Variants in SVOP observed in about 807,000 individuals in gnomAD.
SVOP encodes the protein synaptic vesicle 2-related protein.
SVOP carries 17 observed loss-of-function variants against 69.1 expected under a neutral mutation model. The ratio of observed to expected loss-of-function variants is 0.25; its 90% confidence interval spans 0.17 to 0.37. The LOEUF is 0.37. Ranked by LOEUF, SVOP falls within the 10% of genes least tolerant of loss-of-function variation. SVOP has a pLI of 1.00. For missense variants in SVOP, 435 were observed against 597.5 expected (o/e 0.73, Z 2.84); for synonymous variants, 238 against 238.6 (o/e 1.00, Z 0.02).
intron 5 of SVOP, among the ~76,000 whole-genome samples, chr12:108,962,183 C>G (rs1405758242): frequency 6.6e-6 from 1 of 152,188 alleles, no homozygotes; most frequent in African/African-American, 2.4e-5. Flanking sequence ...ACTGCAGCCT[C>G]AACCTCCCGG....
At chr12:108,981,370 C>T (rs2040134425) in intron 2 of SVOP, among the ~76,000 whole-genome samples, 1 of 152,188 alleles carries the variant, frequency 6.6e-6, no homozygotes, top group South Asian at 2.1e-4. Context: ...CATCCCCTGT[C>T]ATTGCCACCT....
At chr12:108,960,881 T>C (rs1229172189) in intron 6 of SVOP, 42 bp downstream of exon 6, 1 of 1,531,408 alleles carries the variant, frequency 6.5e-7, no homozygotes, top group East Asian at 2.4e-5. Flanking sequence ...GACACGTGGA[T>C]GGGCAGCCTG....
At position 108,912,259 on chromosome 12, in the gene SVOP, C is replaced by T; in HGVS notation, c.*276G>A. 2.3e-6 allele frequency: 3 copies of T among 1,315,840 alleles called. No individual in the cohort carries two copies. The highest frequency in any genetic ancestry group is 3.4e-5 in the Admixed American group (1 of 29,318). 81.5% of individuals were successfully genotyped at this position (1,315,840 alleles called of 1,614,324 possible). ...TGATTGGTTGCTGGCATTACCAGAC[C>T]CTCCTAATATGGGTAGTCTTCCCAT... On this transcript the variant is annotated 3_prime_UTR_variant, in exon 16 of 16. Transcript: ENST00000610966.
At chr12:108,967,970 C>T (rs1381213618) in intron 5 of SVOP, among the ~76,000 whole-genome samples, 3 of 152,156 alleles carry the variant, frequency 2.0e-5, no homozygotes, top group Non-Finnish European at 4.4e-5. Flanking sequence ...TATATGGGAA[C>T]GCCAAGTGAA....
intron 1 of SVOP, among the ~76,000 whole-genome samples, chr12:108,991,752 A>C (rs1249749295): frequency 1.3e-5 from 2 of 148,166 alleles, no homozygotes; most frequent in Non-Finnish European, 3.0e-5. Flanking sequence ...CATCACCCCT[A>C]GCCTGTAAGA....
chr12:108,961,165 G>A, intron 5 of SVOP, 118 bp from the exon 6 acceptor site: 2 of 1,288,750 alleles, frequency 1.6e-6, no homozygotes, highest in Non-Finnish European at 2.1e-6. Flanking sequence ...CACAACCAAG[G>A]GGGTACTGGG....
chr12:108,990,660 AAAAAT>A (rs201104613), intron 1 of SVOP, among the ~76,000 whole-genome samples: 133,864 of 150,910 alleles, frequency 0.89, 60,515 homozygotes, highest in Non-Finnish European at 0.99. Flanking sequence ...AAGTATAATA[AAAAAT>A]AAAATAAAAT....
intron 3 of SVOP, among the ~76,000 whole-genome samples, 171 bp from the exon 4 acceptor site, chr12:108,977,667 C>T (rs1371956652): frequency 5.3e-5 from 8 of 152,192 alleles, no homozygotes; most frequent in Non-Finnish European, 1.2e-4. Context: ...TAAAACCATG[C>T]ATTACCATTG....
At chr12:108,937,428 G>T in intron 9 of SVOP, 91 bp from the exon 10 acceptor site, 2 of 1,254,246 alleles carry the variant, frequency 1.6e-6, no homozygotes, top group Non-Finnish European at 2.3e-6. Context: ...ACACCAGGCT[G>T]GGAGGAAGGT....
intron 1 of SVOP, among the ~76,000 whole-genome samples, chr12:109,011,817 G>A (rs1407575135): frequency 6.6e-6 from 1 of 152,134 alleles, no homozygotes; most frequent in African/African-American, 2.4e-5. Context: ...GAACGAACCT[G>A]GAGGACATTG....
chr12:108,992,500 C>T (rs1421175531), intron 1 of SVOP, among the ~76,000 whole-genome samples: 2 of 152,098 alleles, frequency 1.3e-5, no homozygotes, highest in Admixed American at 6.5e-5. Flanking sequence ...ATGATCACAC[C>T]ACTGCACTCC....
chr12:108,990,069 T>A (rs1593201263), intron 1 of SVOP, among the ~76,000 whole-genome samples: 1 of 151,576 alleles, frequency 6.6e-6, no homozygotes, highest in Admixed American at 6.6e-5. Context: ...TTCAGTTTGG[T>A]GGTCTTTGGT....
At chr12:108,940,040 C>A (rs1035874517) in intron 8 of SVOP, among the ~76,000 whole-genome samples, 1 of 152,180 alleles carries the variant, frequency 6.6e-6, no homozygotes, top group Non-Finnish European at 1.5e-5. Flanking sequence ...CGTGCTGTTA[C>A]TGAACTTGTG....
Position 108,912,304 on chromosome 12 carries a change from A to G in SVOP, c.*231T>C. The G allele has an allele frequency of 7.1e-7, 1 of 1,414,062 alleles. No homozygotes were observed. Among genetic ancestry groups the G allele is most frequent in the Non-Finnish European group, 9.2e-7 (1 of 1,087,280 alleles). 87.6% of individuals were successfully genotyped at this position (1,414,062 alleles called of 1,614,324 possible). A position where few individuals can be genotyped will look rare whatever the true frequency, so the allele number is the denominator to read the frequency against. The stretch of plus-strand genomic sequence containing the variant: ...TCCCATGTAGATCCACAGGTTATGA[A>G]CAAAGCTTTCACCACATATACAGAG... On this transcript the variant is annotated 3_prime_UTR_variant, in exon 16 of 16. Coordinates refer to ENST00000610966, the MANE Select transcript of SVOP (RefSeq NM_018711.5).
chr12:108,989,334 C>T (rs887813645), intron 1 of SVOP, among the ~76,000 whole-genome samples: 1 of 152,156 alleles, frequency 6.6e-6, no homozygotes, highest in Admixed American at 6.6e-5. Flanking sequence ...CTTGGCCTCC[C>T]GAAGTGCTGG....
intron 6 of SVOP, among the ~76,000 whole-genome samples, chr12:108,955,165 T>C (rs1366219899): frequency 6.6e-6 from 1 of 152,264 alleles, no homozygotes; most frequent in East Asian, 1.9e-4. Context: ...AAATCCTTTA[T>C]CTTTCCTTAT....
At chr12:108,971,659 G>A (rs1442617038) in intron 5 of SVOP, among the ~76,000 whole-genome samples, 1 of 152,154 alleles carries the variant, frequency 6.6e-6, no homozygotes, top group Non-Finnish European at 1.5e-5. Context: ...ATTCCAGTAG[G>A]GGAGTGGAGA....
At chr12:108,997,360 G>T (rs1289358505) in intron 1 of SVOP, among the ~76,000 whole-genome samples, 2 of 151,462 alleles carry the variant, frequency 1.3e-5, no homozygotes, top group Non-Finnish European at 3.0e-5. Context: ...AGATCAAACT[G>T]CAAGGCGGCA....
At chr12:108,952,813 C>A (rs1057217887) in intron 6 of SVOP, among the ~76,000 whole-genome samples, 1 of 152,104 alleles carries the variant, frequency 6.6e-6, no homozygotes, top group African/African-American at 2.4e-5. Flanking sequence ...GAGGTATGAT[C>A]GTGTTGCTGT....
Sources: allele counts gnomAD v4.1 joint callset (sites outside exome capture counted in the v4.1 genomes callset), GRCh38; gene constraint gnomAD v4.1.1; transcripts MANE v1.5; gene names NCBI Gene and HGNC (gene_info 2026-07-23, HGNC 2026-07-21).